Variants in CACUL1 observed in about 807,000 individuals in gnomAD.
CACUL1 encodes CDK2-associated and cullin domain-containing protein 1.
Under a neutral mutation model 45.2 loss-of-function variants are expected in CACUL1, and 13 were observed. That is an observed-to-expected ratio of 0.29 (90% CI 0.19 to 0.46). The LOEUF (loss-of-function observed/expected upper bound fraction) is 0.46, where lower values mean the gene tolerates loss of function less well. Ranked by LOEUF, CACUL1 falls within the 20% of genes least tolerant of loss-of-function variation. The pLI is 1.00. For synonymous variants in CACUL1, 197 were observed against 174.2 expected, an observed-to-expected ratio of 1.13 and a Z score of -1.03; for missense variants, 421 against 471.4, an observed-to-expected ratio of 0.89 and a Z score of 0.99.
chr10:118,740,266 T>C (rs779833311), intron 1 of CACUL1, among the ~76,000 whole-genome samples: 3 of 152,226 alleles, frequency 2.0e-5, no homozygotes, highest in Non-Finnish European at 4.4e-5. Context: ...CTTTAGGCCC[T>C]TCCGTGAATA....
Position 118,682,143 on chromosome 10 carries a change from T to A in CACUL1, c.*3985A>T, listed in dbSNP as rs918784071. 2.6e-5 allele frequency: 4 copies of A among 152,186 alleles called. No homozygotes were observed. The highest frequency in any genetic ancestry group is 6.5e-5 in the Admixed American group (1 of 15,278). The allele number at this position is 152,186 out of a possible 1,614,324, so 9.4% of individuals were successfully genotyped here. A position where few individuals can be genotyped will look rare whatever the true frequency, so the allele number is the denominator to read the frequency against. On this transcript the variant is annotated 3_prime_UTR_variant, in exon 9 of 9. Transcript: ENST00000369151. ...ACCCTTTAAAAGGCCTAGACTTGGA[T>A]TAAAGTAAACGTAATATTCCAAGCT...
rs11282763 is a variant in CACUL1, at chr10:118,696,986, G to GATACCT, written c.797-1757_797-1756insAGGTAT. Among the ~76,000 whole-genome samples, 581 of 151,906 alleles carry GATACCT rather than the reference G, an allele frequency of 3.8e-3. 5 individuals carry two copies. Among genetic ancestry groups the GATACCT allele is most frequent in the African/African-American group, 0.012 (479 of 41,364 alleles). On this transcript the variant is annotated intron_variant, in intron 5 of 8. Coordinates refer to ENST00000369151, the MANE Select transcript of CACUL1 (RefSeq NM_153810.5). ...AACTGAAATCCCCTATGTCAAATTT[G>GATACCT]ATAAAGAAATGATAAATATAATACA...
intron 3 of CACUL1, among the ~76,000 whole-genome samples, chr10:118,713,020 G>A (rs1845505910): frequency 6.6e-6 from 1 of 152,236 alleles, no homozygotes; most frequent in Non-Finnish European, 1.5e-5. Context: ...TGCCATTCAT[G>A]GCGCCCAGGC....
In CACUL1 at chr10:118,754,745, T is replaced by C. The variant is rs1292718696; in HGVS notation, c.18A>G (p.Glu6=). The stretch of plus-strand genomic sequence containing the variant: ...CCTCGTAGCTGCCCCCCTCCTCCTC[T>C]TCCATGCTTTCCTCCATCCTGCTGG... MEESM[E]EEEGGSYEAM... is the part of the protein sequence containing the mutation. Residue 6 remains glutamate, a synonymous_variant, in exon 1 of 9, where the codon GAA becomes GAG. Coordinates refer to ENST00000369151, the MANE Select transcript of CACUL1 (RefSeq NM_153810.5). 67 of 1,591,702 alleles carry C rather than the reference T, an allele frequency of 4.2e-5. No homozygotes were observed. The highest frequency in any genetic ancestry group is 5.7e-5 in the Non-Finnish European group (67 of 1,171,206).
intron 3 of CACUL1, among the ~76,000 whole-genome samples, chr10:118,709,801 CTTATATATA>C (rs2119596554): frequency 6.6e-6 from 1 of 152,236 alleles, no homozygotes; most frequent in East Asian, 1.9e-4. Context: ...TACTTAGAAG[CTTATATATA>C]TGTAAAGAAT....
chr10:118,693,692 T>G (rs755592690), intron 6 of CACUL1: 72 of 455,956 alleles, frequency 1.6e-4, no homozygotes, highest in Admixed American at 4.7e-4. Flanking sequence ...ATTCATAACC[T>G]GGTACACACA....
chr10:118,718,019 T>C (rs1589611012), intron 3 of CACUL1, among the ~76,000 whole-genome samples: 2 of 152,300 alleles, frequency 1.3e-5, no homozygotes, highest in East Asian at 1.9e-4. Flanking sequence ...CCCTAGAACC[T>C]ACCCAGATTC....
chr10:118,729,497 A>C lies in CACUL1; in HGVS notation c.495-100T>G, dbSNP rs975395192. 3 of 773,790 alleles carry C rather than the reference A, an allele frequency of 3.9e-6. No individual in the cohort carries two copies. The African/African-American group carries it at 5.2e-5, about 13-fold the overall frequency. The allele number at this position is 773,790 out of a possible 1,614,324, so 47.9% of individuals were successfully genotyped here. A position where few individuals can be genotyped will look rare whatever the true frequency, so the allele number is the denominator to read the frequency against. The stretch of plus-strand genomic sequence containing the variant: ...CTTTTGATATATAACCACTGATCCA[A>C]TAATTCATACCTTCAAAAAGTAACC... On this transcript the variant is annotated intron_variant, in intron 2 of 8. Coordinates refer to ENST00000369151, the MANE Select transcript of CACUL1 (RefSeq NM_153810.5).
At chr10:118,741,557 C>T (rs963653008) in intron 1 of CACUL1, among the ~76,000 whole-genome samples, 3 of 152,112 alleles carry the variant, frequency 2.0e-5, no homozygotes, top group Non-Finnish European at 4.4e-5. Context: ...TCCAAACCAG[C>T]AATCTTTAAT....
intron 7 of CACUL1, among the ~76,000 whole-genome samples, chr10:118,687,356 C>T (rs572116905): frequency 6.6e-6 from 1 of 152,152 alleles, no homozygotes; most frequent in African/African-American, 2.4e-5. Context: ...GGCAAGTTTA[C>T]CATGACCAGA....
At chr10:118,714,532 C>T (rs1845522948) in intron 3 of CACUL1, among the ~76,000 whole-genome samples, 1 of 152,146 alleles carries the variant, frequency 6.6e-6, no homozygotes, top group Non-Finnish European at 1.5e-5. Flanking sequence ...AGTCATTTTC[C>T]TGGAAGTGAC....
At chr10:118,713,064 C>A (rs1265078655) in intron 3 of CACUL1, among the ~76,000 whole-genome samples, 1 of 152,228 alleles carries the variant, frequency 6.6e-6, no homozygotes, top group Non-Finnish European at 1.5e-5. Flanking sequence ...AGGCCAGCGC[C>A]AAGCTGCCCT....
At chr10:118,690,542 GC>G (rs1350255420) in intron 7 of CACUL1, among the ~76,000 whole-genome samples, 1 of 152,128 alleles carries the variant, frequency 6.6e-6, no homozygotes, top group Non-Finnish European at 1.5e-5. Context: ...ATAAAGAGAT[GC>G]CCTACTTAAG....
At chr10:118,702,369 G>A (rs368007411) in intron 4 of CACUL1, among the ~76,000 whole-genome samples, 9 of 152,124 alleles carry the variant, frequency 5.9e-5, no homozygotes, top group African/African-American at 1.4e-4. Flanking sequence ...GGATAAAACC[G>A]ATGTTACGGA....
intron 5 of CACUL1, among the ~76,000 whole-genome samples, chr10:118,697,882 T>G (rs1431326530): frequency 1.3e-5 from 2 of 152,198 alleles, no homozygotes; most frequent in Non-Finnish European, 2.9e-5. Context: ...ACTTTAACAA[T>G]AGAGCCTAGT....
intron 3 of CACUL1, among the ~76,000 whole-genome samples, chr10:118,719,396 C>T (rs1180385806): frequency 6.6e-6 from 1 of 152,106 alleles, no homozygotes; most frequent in Non-Finnish European, 1.5e-5. Flanking sequence ...GGGTAATAAG[C>T]TTTCAGTCTA....
At chr10:118,729,258 C>A (rs750949915) in intron 3 of CACUL1, 37 bp downstream of exon 3, 2 of 1,485,732 alleles carry the variant, frequency 1.3e-6, no homozygotes, top group Non-Finnish European at 1.9e-6. Context: ...GTCAGGAAAA[C>A]CCAAGGAAGC....
At chr10:118,723,491 C>G (rs948422669) in intron 3 of CACUL1, among the ~76,000 whole-genome samples, 2 of 152,158 alleles carry the variant, frequency 1.3e-5, no homozygotes, top group Admixed American at 6.5e-5. Context: ...TACATATCTT[C>G]AAGTTTTCAT....
chr10:118,718,735 G>C (rs1278735780), intron 3 of CACUL1, among the ~76,000 whole-genome samples: 1 of 152,004 alleles, frequency 6.6e-6, no homozygotes, highest in Admixed American at 6.6e-5. Context: ...CACCACGCCC[G>C]GCTAATTTTT....
Sources: gnomAD v4.1 joint callset for allele counts (sites outside exome capture counted in the v4.1 genomes callset) on GRCh38, gnomAD v4.1.1 for gene constraint, MANE v1.5 for transcripts, NCBI Gene and HGNC (gene_info 2026-07-23, HGNC 2026-07-21) for gene names.